The following UNC13A variants were observed in gnomAD, a reference collection of about 807,000 sequenced individuals.
The protein encoded by UNC13A is protein unc-13 homolog A.
In UNC13A, 61 loss-of-function variants were observed where a neutral mutation model predicts 219.7. That is an observed-to-expected ratio of 0.28 (90% CI 0.23 to 0.34). UNC13A has a LOEUF of 0.34. UNC13A is among the 10% of genes least tolerant of loss of function. The pLI is 1.00. For synonymous variants in UNC13A, 920 were observed against 884.6 expected, an observed-to-expected ratio of 1.04 and a Z score of -0.71; for missense variants, 1,476 against 2,270.3, an observed-to-expected ratio of 0.65 and a Z score of 7.11.
intron 37 of UNC13A, among the ~76,000 whole-genome samples, chr19:17,621,480 A>T (rs2076729147): frequency 6.6e-6 from 1 of 152,138 alleles, no homozygotes; most frequent in Admixed American, 6.5e-5. Flanking sequence ...AATCTACGTA[A>T]AAAACAACAC....
chr19:17,631,202 CCCTTCCTTCCTT>C (rs1219861577), intron 28 of UNC13A, among the ~76,000 whole-genome samples: 1 of 53,444 alleles, frequency 1.9e-5, no homozygotes, highest in South Asian at 9.6e-4. Context: ...CTCCCTCCCT[CCCTTCCTTCCTT>C]CCTTCCTTCT....
At chr19:17,617,912 G>T in intron 40 of UNC13A, 63 bp from the exon 41 acceptor site, 3 of 1,592,466 alleles carry the variant, frequency 1.9e-6, no homozygotes, top group Non-Finnish European at 2.6e-6. Flanking sequence ...CATAGGGCTG[G>T]GTAGCCCTGC....
rs777574458 is a variant in UNC13A at position 17,652,645 on chromosome 19, T to C, written c.1425A>G (p.Leu475=). ...ARGEGEMSKS[L]WFKGGPGGGL... Reference sequence around the variant, plus strand: ...TCATTACTTACCCGCCTTTGAACCATAGGGATTTAGACATCTCTCCTTCTC... The same window carrying C: ...TCATTACTTACCCGCCTTTGAACCACAGGGATTTAGACATCTCTCCTTCTC... The change falls in exon 12 of 44, where the codon CTA becomes CTG. Residue 475 remains leucine (L), a synonymous_variant. Coordinates refer to ENST00000519716, the MANE Select transcript of UNC13A (RefSeq NM_001080421.3). 44 of 1,613,594 alleles carry C rather than the reference T, an allele frequency of 2.7e-5. No individual in the cohort carries two copies. The highest frequency in any genetic ancestry group is 3.5e-5 in the Non-Finnish European group (41 of 1,179,730).
At chr19:17,613,023 A>G (rs1306982162) in intron 41 of UNC13A, among the ~76,000 whole-genome samples, 1 of 152,040 alleles carries the variant, frequency 6.6e-6, no homozygotes, top group Non-Finnish European at 1.5e-5. Context: ...CTTGAGGTCA[A>G]GAGTTCAAGC....
chr19:17,656,776 C>A (rs558435345), intron 9 of UNC13A, among the ~76,000 whole-genome samples: 2 of 147,966 alleles, frequency 1.4e-5, no homozygotes, highest in Non-Finnish European at 3.0e-5. Flanking sequence ...CACTTGAACC[C>A]GGGAGGTGGA....
chr19:17,639,284 A>G, intron 24 of UNC13A, 67 bp from the exon 25 acceptor site: 1 of 1,604,416 alleles, frequency 6.2e-7, no homozygotes, highest in East Asian at 2.2e-5. Flanking sequence ...AGTGACTGCG[A>G]GTCATTTTGG....
intron 41 of UNC13A, chr19:17,614,512 C>G (rs12974649): frequency 6.6e-6 from 1 of 152,568 alleles, no homozygotes; most frequent in Non-Finnish European, 1.5e-5. Context: ...CCTGTGACCG[C>G]CAGCACCTCC....
intron 26 of UNC13A, among the ~76,000 whole-genome samples, chr19:17,634,497 C>A (rs2076892223): frequency 6.6e-6 from 1 of 152,144 alleles, no homozygotes; most frequent in South Asian, 2.1e-4. Context: ...AGCCACTATG[C>A]CCGGCTAATT....
chr19:17,687,040 G>A (rs1031612866), intron 1 of UNC13A, among the ~76,000 whole-genome samples: 11 of 152,156 alleles, frequency 7.2e-5, no homozygotes, highest in African/African-American at 2.7e-4. Flanking sequence ...TAAGAACCAG[G>A]GGTTCAGAGC....
At chr19:17,642,398 C>T (rs1181349939) in intron 20 of UNC13A, among the ~76,000 whole-genome samples, 1 of 152,194 alleles carries the variant, frequency 6.6e-6, no homozygotes, top group Non-Finnish European at 1.5e-5. Flanking sequence ...ATCCATCTAT[C>T]CATCCATGTA....
chr19:17,664,313 T>C (rs1301278225), intron 7 of UNC13A, among the ~76,000 whole-genome samples: 1 of 152,214 alleles, frequency 6.6e-6, no homozygotes, highest in Admixed American at 6.5e-5. Context: ...CTACTCATTT[T>C]ATGGGTGAAA....
At position 17,649,494 on chromosome 19, in the gene UNC13A, G is replaced by A. The variant is rs900517247; in HGVS notation, c.1518+15C>T. ...GGCCTGCTCTGCTCAGGGAGTAAAG[G>A]GCGAGGGTGCTTACCAAGTCGCTCA... On this transcript the variant is annotated intron_variant, in intron 13 of 43. Coordinates refer to ENST00000519716, the MANE Select transcript of UNC13A (RefSeq NM_001080421.3). The surrounding 1 kb of genome is among the most constrained non-coding windows in gnomAD (Gnocchi z 4.4). 3.1e-6 allele frequency: 5 copies of A among 1,613,814 alleles called. No individual in the cohort carries two copies. The highest frequency in any genetic ancestry group is 1.7e-5 in the Admixed American group (1 of 59,998).
chr19:17,640,700 A>C, intron 21 of UNC13A, 39 bp from the exon 22 acceptor site: 1 of 1,522,852 alleles, frequency 6.6e-7, no homozygotes, highest in Non-Finnish European at 8.8e-7. Flanking sequence ...CCAGGGGTCC[A>C]GCCAGGATGG....
intron 16 of UNC13A, 102 bp from the exon 17 acceptor site, chr19:17,647,594 G>C (rs888434861): frequency 5.6e-5 from 66 of 1,170,262 alleles, no homozygotes; most frequent in Non-Finnish European, 6.6e-5. Flanking sequence ...GGGGACTCAG[G>C]TGTCACCCCC....
rs767362334 is a variant in UNC13A, at chr19:17,626,701, A to G, written c.4005T>C (p.Ser1335=). ...CGTCCTGGGCCACGCTGCTGCAGGC[A>G]CTGGCTGGCACATTGCCTGTGCCCT... ...QVKGTGNVPA[S]ACSSVAQDAD... The change falls in exon 34 of 44, where the codon AGT becomes AGC. Residue 1335 remains serine (S), a synonymous_variant. Coordinates refer to ENST00000519716, the MANE Select transcript of UNC13A (RefSeq NM_001080421.3). 1.9e-6 allele frequency: 3 copies of G among 1,604,092 alleles called. No individual in the cohort carries two copies. Among genetic ancestry groups the G allele is most frequent in the Non-Finnish European group, 2.6e-6 (3 of 1,175,534 alleles).
chr19:17,655,133 C>T (rs2079424590), intron 11 of UNC13A, 141 bp downstream of exon 11: 1 of 731,656 alleles, frequency 1.4e-6, no homozygotes, highest in Non-Finnish European at 2.4e-6. Context: ...CTGCACTGGG[C>T]ATGCCCAGGC....
intron 7 of UNC13A, among the ~76,000 whole-genome samples, chr19:17,664,835 C>T (rs1465090957): frequency 6.6e-6 from 1 of 152,172 alleles, no homozygotes; most frequent in Non-Finnish European, 1.5e-5. Flanking sequence ...TACCACCCTC[C>T]TGGACACATG....
intron 43 of UNC13A, among the ~76,000 whole-genome samples, chr19:17,607,944 A>G (rs546968823): frequency 6.0e-4 from 90 of 149,538 alleles, no homozygotes; most frequent in African/African-American, 2.1e-3. Context: ...CCGTGGTACA[A>G]TCATGGCTCA....
At position 17,610,036 on chromosome 19, in the gene UNC13A, T is replaced by C; in HGVS notation, c.4715A>G (p.Asn1572Ser). ...SGIFRPFIEV[N>S]IIGPQLSDKK... is the part of the protein sequence containing the mutation. ...GTCGCTGAGCTGGGGCCCAATGATG[T>C]TGACCTCGATGAACGGCCGGAAGAT... The change falls in exon 43 of 44, where the codon AAC becomes AGC. Residue 1572 changes from asparagine (N) to serine (S), a missense_variant. This residue lies in a region of UNC13A where 5 missense variants were observed against 28.8 expected (regional missense o/e 0.17). Transcript: ENST00000519716. 6.2e-7 allele frequency: 1 copy of C among 1,614,050 alleles called. No individual in the cohort carries two copies. The highest frequency in any genetic ancestry group is 8.5e-7 in the Non-Finnish European group (1 of 1,179,898).
Sources: allele counts gnomAD v4.1 joint callset (sites outside exome capture counted in the v4.1 genomes callset), GRCh38; gene constraint gnomAD v4.1.1; regional missense constraint gnomAD v4.1.1; non-coding constraint Gnocchi (gnomAD v3.1); transcripts MANE v1.5; gene names NCBI Gene and HGNC (gene_info 2026-07-23, HGNC 2026-07-21).